Variants in CHLSN observed in about 807,000 individuals in gnomAD.
CHLSN encodes cholesin.
At chr7:1,119,663 G>A in the CHLSN span, among the ~76,000 whole-genome samples, 1 of 152,194 alleles carries the variant, frequency 6.6e-6, no homozygotes, top group East Asian at 1.9e-4. Flanking sequence ...GCTCACCTGA[G>A]GTCAGGAGTT....
the CHLSN span, among the ~76,000 whole-genome samples, chr7:1,002,377 G>C: frequency 1.5e-5 from 2 of 131,530 alleles, 1 homozygote; most frequent in Non-Finnish European, 3.3e-5. Flanking sequence ...GGAGTCCTGT[G>C]GGTGGGGAGT....
chr7:1,094,144 A>G, the CHLSN span, among the ~76,000 whole-genome samples: 1 of 152,156 alleles, frequency 6.6e-6, no homozygotes, highest in Admixed American at 6.5e-5. Context: ...GAGGCCCAAG[A>G]GCTCTGCGGC....
chr7:992,206 C>A, the CHLSN span, among the ~76,000 whole-genome samples: 120 of 152,342 alleles, frequency 7.9e-4, 1 homozygote, highest in African/African-American at 2.8e-3. Flanking sequence ...GCCTCTAGGT[C>A]TCCAGGGAAG....
chr7:983,494 C>T, the CHLSN span: 16 of 1,141,658 alleles, frequency 1.4e-5, no homozygotes, highest in South Asian at 1.3e-4. Context: ...CACATGGTGC[C>T]GGGCCCAGCG....
chr7:1,057,297 A>C, the CHLSN span, among the ~76,000 whole-genome samples: 1 of 152,158 alleles, frequency 6.6e-6, no homozygotes, highest in East Asian at 1.9e-4. Context: ...CAGCCACAGC[A>C]GCCCCCGGTC....
chr7:1,023,501 C>T, the CHLSN span, among the ~76,000 whole-genome samples: 296 of 151,966 alleles, frequency 1.9e-3, no homozygotes, highest in Non-Finnish European at 2.7e-3. The surrounding 1 kb of genome is among the most constrained non-coding windows in gnomAD (Gnocchi z 5.0). Context: ...CAGGGTCCCC[C>T]GCAGGCTCCT....
At chr7:1,002,166 GT>G in the CHLSN span, among the ~76,000 whole-genome samples, 1 of 123,192 alleles carries the variant, frequency 8.1e-6, no homozygotes, top group African/African-American at 3.2e-5. Context: ...GGTGAGTGGA[GT>G]CCTGCAGGTG....
chr7:1,026,389 G>C, the CHLSN span: 1 of 152,240 alleles, frequency 6.6e-6, no homozygotes, highest in Non-Finnish European at 1.5e-5. Context: ...CTTCTGTGTC[G>C]ACAGAGGCTG....
the CHLSN span, among the ~76,000 whole-genome samples, chr7:1,085,917 T>C: frequency 6.6e-6 from 1 of 152,008 alleles, no homozygotes; most frequent in Non-Finnish European, 1.5e-5. Context: ...CCGTCACACA[T>C]CAAGTATTAA....
chr7:997,752 C>T, the CHLSN span: 1 of 1,610,354 alleles, frequency 6.2e-7, no homozygotes, highest in South Asian at 1.1e-5. Flanking sequence ...TCGGGCCCGG[C>T]CCTGCAGCCC....
the CHLSN span, among the ~76,000 whole-genome samples, chr7:1,064,948 G>A: frequency 1.3e-5 from 2 of 152,364 alleles, no homozygotes; most frequent in Non-Finnish European, 2.9e-5. Flanking sequence ...TCTGAGCTGT[G>A]CCACACACAC....
chr7:1,011,262 C>T, the CHLSN span, among the ~76,000 whole-genome samples: 2 of 129,228 alleles, frequency 1.5e-5, no homozygotes, highest in African/African-American at 5.8e-5. Context: ...CCATACCCAA[C>T]ACACCCACAC....
chr7:1,117,724 C>A, the CHLSN span, among the ~76,000 whole-genome samples: 1 of 149,674 alleles, frequency 6.7e-6, no homozygotes, highest in East Asian at 1.9e-4. Flanking sequence ...CACCAACGCC[C>A]ACGCAGGATG....
At chr7:1,037,100 G>C in the CHLSN span, among the ~76,000 whole-genome samples, 2 of 147,330 alleles carry the variant, frequency 1.4e-5, no homozygotes, top group African/African-American at 2.4e-5. Context: ...GACAGAGTGA[G>C]ACCCTGTCTC....
the CHLSN span, among the ~76,000 whole-genome samples, chr7:1,020,100 C>T: frequency 6.6e-6 from 1 of 152,246 alleles, no homozygotes; most frequent in South Asian, 2.1e-4. Flanking sequence ...GTGGTGGTGT[C>T]TGCTGCTCTG....
the CHLSN span, chr7:1,058,462 G>T: frequency 2.6e-6 from 2 of 780,340 alleles, no homozygotes; most frequent in Non-Finnish European, 4.8e-6. Flanking sequence ...AAGCTGCCCT[G>T]CGGGGACCGG....
At chr7:1,057,978 G>A in the CHLSN span, 66 of 770,900 alleles carry the variant, frequency 8.6e-5, no homozygotes, top group Non-Finnish European at 1.3e-4. Flanking sequence ...GTGGGGTGGC[G>A]CGCTGCTGAC....
chr7:1,136,473 A>AACAT, the CHLSN span, among the ~76,000 whole-genome samples: 890 of 109,682 alleles, frequency 8.1e-3, 26 homozygotes, highest in African/African-American at 9.7e-3. Flanking sequence ...AACATATATA[A>AACAT]ATATATAAAC....
the CHLSN span, among the ~76,000 whole-genome samples, chr7:990,569 C>T: frequency 2.8e-4 from 43 of 152,028 alleles, no homozygotes; most frequent in African/African-American, 1.0e-3. Flanking sequence ...CACGGGTGCA[C>T]GGCAGGCCTC....
Sources: gnomAD v4.1 joint callset for allele counts (sites outside exome capture counted in the v4.1 genomes callset) on GRCh38, gnomAD v4.1.1 for gene constraint, Gnocchi (gnomAD v3.1) non-coding constraint, MANE v1.5 for transcripts, NCBI Gene and HGNC (gene_info 2026-07-23, HGNC 2026-07-21) for gene names.